Variants in PDE4D observed in about 807,000 individuals in gnomAD.
PDE4D encodes the protein phosphodiesterase 4D.
Under a neutral mutation model 87.4 loss-of-function variants are expected in PDE4D, and 24 were observed. That is an observed-to-expected ratio of 0.27 (90% CI 0.20 to 0.39). The LOEUF (loss-of-function observed/expected upper bound fraction) is 0.39. Among genes scored for constraint, PDE4D ranks in the 10% least tolerant of loss-of-function variants. The probability of loss-of-function intolerance (pLI) is 1.00; values close to 1 mark genes in which losing one functional copy is unlikely to be tolerated. For missense variants in PDE4D, 714 were observed against 1,041.0 expected (o/e 0.69, Z 4.32); for synonymous variants, 384 against 383.2 (o/e 1.00, Z -0.02).
In PDE4D at chr5:58,991,841, G is replaced by C. The variant is rs2153341704; in HGVS notation, c.1179C>G (p.Val393=). Residue 393 remains valine, a synonymous_variant, in exon 8 of 15, where the codon GTC becomes GTG. Coordinates refer to ENST00000340635, the MANE Select transcript of PDE4D (RefSeq NM_001104631.2). The stretch of plus-strand genomic sequence containing the variant: ...TTTGAAATCATCATACCTTGGCAAG[G>C]ACATCTTCTTGTTCAGTTTTAACTC... ...RFGVKTEQED[V]LAKELEDVNK... The C allele has an allele frequency of 2.7e-6, 4 of 1,493,920 alleles. No homozygotes were observed. Among genetic ancestry groups the C allele is most frequent in the Middle Eastern group, 1.8e-4 (1 of 5,636 alleles). 92.5% of individuals were successfully genotyped at this position (1,493,920 alleles called of 1,614,324 possible).
intron 1 of PDE4D, among the ~76,000 whole-genome samples, chr5:59,346,341 G>C (rs1779599092): frequency 6.6e-6 from 1 of 151,976 alleles, no homozygotes; most frequent in African/African-American, 2.4e-5. Context: ...ATACCAAATA[G>C]ATCCTTGCAG....
intron 1 of PDE4D, among the ~76,000 whole-genome samples, chr5:59,558,393 G>A (rs1310363855): frequency 1.3e-5 from 2 of 152,024 alleles, no homozygotes; most frequent in African/African-American, 4.8e-5. Context: ...GTGAAGCCTT[G>A]AAGGAAGTGA....
At chr5:60,061,320 TC>T (rs1771380623) in intron 2 of PDE4D, among the ~76,000 whole-genome samples, 1 of 152,016 alleles carries the variant, frequency 6.6e-6, no homozygotes, top group African/African-American at 2.4e-5. Flanking sequence ...ATGAATGAAC[TC>T]CCATTCACAA....
chr5:60,411,599 C>T (rs1051835566), intron 1 of PDE4D, among the ~76,000 whole-genome samples: 4 of 152,092 alleles, frequency 2.6e-5, no homozygotes, highest in African/African-American at 9.7e-5. Context: ...CTAAAAGCAA[C>T]GAATTTCACA....
chr5:60,391,694 A>G, intron 1 of PDE4D, among the ~76,000 whole-genome samples: 1 of 152,176 alleles, frequency 6.6e-6, no homozygotes, highest in East Asian at 1.9e-4. Context: ...TAATCTCCCT[A>G]TTATAAGATC....
chr5:59,121,553 T>TA (rs1460754512), intron 5 of PDE4D, among the ~76,000 whole-genome samples: 85 of 147,760 alleles, frequency 5.8e-4, no homozygotes, highest in South Asian at 1.1e-3. Flanking sequence ...TAATAAAAAA[T>TA]AAAAAAAAAA....
intron 1 of PDE4D, among the ~76,000 whole-genome samples, chr5:59,758,996 T>C (rs1357047430): frequency 6.6e-6 from 1 of 152,152 alleles, no homozygotes; most frequent in Non-Finnish European, 1.5e-5. Context: ...CCTGGAAATA[T>C]GTGATTTCAA....
intron 1 of PDE4D, among the ~76,000 whole-genome samples, chr5:59,462,602 T>C (rs1800939062): frequency 6.6e-6 from 1 of 152,190 alleles, no homozygotes; most frequent in African/African-American, 2.4e-5. Flanking sequence ...AACACTTTTC[T>C]GGCCACAGAT....
At chr5:59,711,341 T>C (rs1208862086) in intron 1 of PDE4D, among the ~76,000 whole-genome samples, 1 of 152,100 alleles carries the variant, frequency 6.6e-6, no homozygotes, top group African/African-American at 2.4e-5. Flanking sequence ...GCAGTATTTA[T>C]CTTCTTTTAA....
chr5:59,617,422 T>C (rs1561334829), intron 1 of PDE4D, among the ~76,000 whole-genome samples: 2 of 152,188 alleles, frequency 1.3e-5, no homozygotes, highest in Non-Finnish European at 2.9e-5. Context: ...CAACACTTTA[T>C]TGCGTCTCCC....
chr5:60,474,387 C>T (rs1372295339), intron 1 of PDE4D, among the ~76,000 whole-genome samples: 1 of 151,490 alleles, frequency 6.6e-6, no homozygotes, highest in Non-Finnish European at 1.5e-5. Flanking sequence ...AACCTAATCA[C>T]CTCCCAAACC....
At chr5:59,217,304 A>T (rs1751475182) in intron 1 of PDE4D, 1 of 455,100 alleles carries the variant, frequency 2.2e-6, no homozygotes, top group Non-Finnish European at 4.4e-6. Flanking sequence ...TTTTGCTGTC[A>T]TTAATATTTT....
At chr5:59,929,576 G>T (rs529335460) in intron 3 of PDE4D, among the ~76,000 whole-genome samples, 2 of 151,870 alleles carry the variant, frequency 1.3e-5, no homozygotes, top group African/African-American at 4.8e-5. Context: ...GTTCTCTTTG[G>T]ATGTTATTTT....
chr5:59,988,786 T>C, intron 2 of PDE4D: 1 of 784,620 alleles, frequency 1.3e-6, no homozygotes, highest in Non-Finnish European at 2.0e-6. Flanking sequence ...ACATAATGGC[T>C]TAATACTTTC....
intron 1 of PDE4D, among the ~76,000 whole-genome samples, chr5:59,231,866 G>C (rs1029639729): frequency 6.6e-6 from 1 of 152,160 alleles, no homozygotes; most frequent in Non-Finnish European, 1.5e-5. Context: ...AAGTGCTTAA[G>C]AGATGTTAGA....
intron 4 of PDE4D, 57 bp downstream of exon 4, chr5:59,185,132 T>A: frequency 7.3e-7 from 1 of 1,375,904 alleles, no homozygotes; most frequent in East Asian, 2.3e-5. Context: ...TCAATCAAGT[T>A]GAGAAAACTT....
At chr5:60,241,339 T>G (rs1190809121) in intron 1 of PDE4D, among the ~76,000 whole-genome samples, 1 of 148,568 alleles carries the variant, frequency 6.7e-6, no homozygotes, top group Non-Finnish European at 1.5e-5. Context: ...AGTGGTGTGA[T>G]CTCAGCTCAC....
intron 1 of PDE4D, among the ~76,000 whole-genome samples, chr5:60,352,672 T>C (rs1354781798): frequency 6.6e-6 from 1 of 152,194 alleles, no homozygotes; most frequent in African/African-American, 2.4e-5. Flanking sequence ...TTCTGCCTGC[T>C]CTTGCTTTTA....
chr5:60,195,790 C>T (rs1423963141), intron 1 of PDE4D, among the ~76,000 whole-genome samples: 1 of 151,758 alleles, frequency 6.6e-6, no homozygotes, highest in East Asian at 1.9e-4. Flanking sequence ...ATTCATACAC[C>T]TAATGGCTTC....
Sources: allele counts gnomAD v4.1 joint callset (sites outside exome capture counted in the v4.1 genomes callset), GRCh38; gene constraint gnomAD v4.1.1; transcripts MANE v1.5; gene names NCBI Gene and HGNC (gene_info 2026-07-23, HGNC 2026-07-21).